MAP3K14: variants seen among roughly 807,000 people sequenced by gnomAD.
MAP3K14 encodes the protein NF-kappa-beta-inducing kinase.
A neutral mutation model predicts 99.2 loss-of-function variants in MAP3K14; 16 were observed. That is an observed-to-expected ratio of 0.16 (90% CI 0.11 to 0.24). MAP3K14 has a LOEUF of 0.24. Ranked by LOEUF, MAP3K14 falls within the 10% of genes least tolerant of loss-of-function variation. The pLI is 1.00. For missense variants in MAP3K14, 784 were observed against 1,208.7 expected (o/e 0.65, Z 5.21); for synonymous variants, 462 against 492.4 (o/e 0.94, Z 0.82).
intron 1 of MAP3K14, among the ~76,000 whole-genome samples, chr17:45,314,060 A>G (rs1325895879): frequency 6.6e-6 from 1 of 152,230 alleles, no homozygotes; most frequent in Non-Finnish European, 1.5e-5. Flanking sequence ...CATGTAGAAA[A>G]GCAAGAAGGG....
At chr17:45,273,719 C>T (rs369209221) in intron 8 of MAP3K14, 112 bp from the exon 9 acceptor site, 98 of 781,590 alleles carry the variant, frequency 1.3e-4, no homozygotes, top group East Asian at 5.6e-4. Flanking sequence ...GCTGACCCTA[C>T]GTGGCAGCTG....
At chr17:45,275,184 C>T (rs913730210) in intron 6 of MAP3K14, among the ~76,000 whole-genome samples, 10 of 151,730 alleles carry the variant, frequency 6.6e-5, no homozygotes, top group South Asian at 2.1e-4. Context: ...ACATTCCAGC[C>T]GGGCGCGGTG....
chr17:45,285,815 G>A (rs2044259415), intron 5 of MAP3K14, among the ~76,000 whole-genome samples: 1 of 151,856 alleles, frequency 6.6e-6, no homozygotes, highest in African/African-American at 2.4e-5. Flanking sequence ...AGCTGGGCGT[G>A]GTGGTACACG....
At chr17:45,307,516 T>TA (rs1489647129) in intron 1 of MAP3K14, among the ~76,000 whole-genome samples, 3 of 152,202 alleles carry the variant, frequency 2.0e-5, no homozygotes, top group Admixed American at 6.5e-5. Context: ...AGATCATCGT[T>TA]ACAAGCAGCA....
chr17:45,303,784 G>A (rs1319685354), intron 1 of MAP3K14, among the ~76,000 whole-genome samples: 11 of 146,982 alleles, frequency 7.5e-5, no homozygotes, highest in South Asian at 2.2e-4. Context: ...GGGTTTCACC[G>A]TGTTAGCTAG....
chr17:45,282,935 C>T (rs1482053304), intron 6 of MAP3K14, among the ~76,000 whole-genome samples: 1 of 152,236 alleles, frequency 6.6e-6, no homozygotes, highest in Non-Finnish European at 1.5e-5. Flanking sequence ...ATCCCCACTG[C>T]ATTCTCCGGG....
chr17:45,312,526 A>T (rs1243936828), intron 1 of MAP3K14, among the ~76,000 whole-genome samples: 1 of 152,228 alleles, frequency 6.6e-6, no homozygotes, highest in African/African-American at 2.4e-5. Flanking sequence ...GTGAAAAAAG[A>T]CTTTAAAATA....
intron 1 of MAP3K14, among the ~76,000 whole-genome samples, chr17:45,292,975 G>C (rs1456801149): frequency 6.6e-6 from 1 of 152,156 alleles, no homozygotes. Flanking sequence ...CAAGCTCCTG[G>C]GTTACAGGCA....
chr17:45,286,166 C>T lies in MAP3K14; in HGVS notation c.1152+265G>A, dbSNP rs1276866258. Among the ~76,000 whole-genome samples the T allele has an allele frequency of 6.6e-6, 1 of 152,132 alleles. No individual in the cohort carries two copies. Among genetic ancestry groups the T allele is most frequent in the Non-Finnish European group, 1.5e-5 (1 of 68,022 alleles). On this transcript the variant is annotated intron_variant, in intron 5 of 15. Transcript: ENST00000344686. The surrounding 1 kb of genome is among the most constrained non-coding windows in gnomAD (Gnocchi z 4.1). ...CTCCAGTGGCTCCTGGCTGATTCCCCTTGTCCTCAGCATGTGTACTATTAA... is the reference window on the plus strand; with the variant it reads ...CTCCAGTGGCTCCTGGCTGATTCCCTTTGTCCTCAGCATGTGTACTATTAA...
Position 45,301,676 on chromosome 17 carries a change from C to T in MAP3K14, c.-20-10911G>A, listed in dbSNP as rs1013222245. Among the ~76,000 whole-genome samples, 18 of 152,054 alleles carry T rather than the reference C, an allele frequency of 1.2e-4. No homozygotes were observed. In the East Asian group the frequency reaches 3.3e-3, roughly 28 times the overall value. ...AAAATACGACCCTATATACATGTGT[C>T]GGTATATTACAATGATATTTATAAA... On this transcript the variant is annotated intron_variant, in intron 1 of 15. Coordinates refer to ENST00000344686, the MANE Select transcript of MAP3K14 (RefSeq NM_003954.5).
chr17:45,306,945 G>A (rs2044434970), intron 1 of MAP3K14, among the ~76,000 whole-genome samples: 1 of 152,218 alleles, frequency 6.6e-6, no homozygotes. Flanking sequence ...AACAAGGAAT[G>A]TTTAATGTAT....
chr17:45,267,177 G>C lies in MAP3K14; in HGVS notation c.2348C>G (p.Ser783Cys). ...CTGCTCCTCCAGAGAAAATGGCTGG[G>C]ACAGGCTGTTGAGGAATAATTCTGC... Reference protein sequence around the residue: ...LEIELFLNSLSQPFSLEEQEQ... With the variant: ...LEIELFLNSLCQPFSLEEQEQ... Residue 783 changes from serine to cysteine, a missense_variant, in exon 13 of 16, where the codon TCC becomes TGC. Ser to Cys is a moderately radical substitution (Grantham distance 112, BLOSUM62 -1). Transcript: ENST00000344686. The surrounding 1 kb of genome is among the most constrained non-coding windows in gnomAD (Gnocchi z 5.1). The C allele has an allele frequency of 6.3e-7, 1 of 1,598,392 alleles. No homozygotes were observed. Among genetic ancestry groups the C allele is most frequent in the South Asian group, 1.1e-5 (1 of 88,266 alleles).
At chr17:45,278,307 C>T (rs148223611) in intron 6 of MAP3K14, among the ~76,000 whole-genome samples, 169 of 152,286 alleles carry the variant, frequency 1.1e-3, no homozygotes, top group East Asian at 6.0e-3. Context: ...GAGGAGAAAG[C>T]AGCCCAGCCT....
At chr17:45,278,366 C>T (rs1241464314) in intron 6 of MAP3K14, among the ~76,000 whole-genome samples, 2 of 152,182 alleles carry the variant, frequency 1.3e-5, no homozygotes, top group Non-Finnish European at 2.9e-5. Flanking sequence ...CTCTGAACTT[C>T]CGTGTTCCTC....
chr17:45,284,163 C>G (rs1393098842), intron 6 of MAP3K14, among the ~76,000 whole-genome samples: 1 of 152,220 alleles, frequency 6.6e-6, no homozygotes, highest in East Asian at 1.9e-4. Context: ...AACTCTAGGA[C>G]AAGAAGTCTA....
chr17:45,291,708 C>G (rs1012636550), intron 1 of MAP3K14, among the ~76,000 whole-genome samples: 18 of 152,194 alleles, frequency 1.2e-4, no homozygotes, highest in Admixed American at 1.1e-3. Context: ...ATTTGGAAAC[C>G]TTTTTAAAGG....
intron 1 of MAP3K14, among the ~76,000 whole-genome samples, chr17:45,309,619 G>A (rs1402879161): frequency 6.6e-6 from 1 of 152,170 alleles, no homozygotes; most frequent in Non-Finnish European, 1.5e-5. Context: ...GGCTGGACAG[G>A]GACACGTGTC....
intron 1 of MAP3K14, among the ~76,000 whole-genome samples, chr17:45,292,016 G>T (rs1328713726): frequency 6.6e-6 from 1 of 152,264 alleles, no homozygotes; most frequent in Non-Finnish European, 1.5e-5. Flanking sequence ...CTAGGTTGAA[G>T]CATTCCTCCT....
Position 45,267,317 on chromosome 17 carries a change from C to A in MAP3K14, c.2326+89G>T. On this transcript the variant is annotated intron_variant, in intron 12 of 15. Coordinates refer to ENST00000344686, the MANE Select transcript of MAP3K14 (RefSeq NM_003954.5). This position sits in a 1 kb window ranked among gnomAD's most constrained non-coding sequence, Gnocchi z 5.1. ...TGCTGGGGAAGGGGCTGGAAGAAAG[C>A]CCACACCGCAGGTAAAGAGAAACAC... 2 of 1,449,520 alleles carry A rather than the reference C, an allele frequency of 1.4e-6. No homozygotes were observed. Among genetic ancestry groups the A allele is most frequent in the Admixed American group, 2.0e-5 (1 of 49,732 alleles). The allele number at this position is 1,449,520 out of a possible 1,614,324, so 89.8% of individuals were successfully genotyped here.
Sources: gnomAD v4.1 joint callset for allele counts (sites outside exome capture counted in the v4.1 genomes callset) on GRCh38, gnomAD v4.1.1 for gene constraint, Gnocchi (gnomAD v3.1) non-coding constraint, MANE v1.5 for transcripts, NCBI Gene and HGNC (gene_info 2026-07-23, HGNC 2026-07-21) for gene names.